KIAA1328: variants seen among roughly 807,000 people sequenced by gnomAD.
The protein encoded by KIAA1328 is protein hinderin.
A neutral mutation model predicts 68.1 loss-of-function variants in KIAA1328; 52 were observed. That is an observed-to-expected ratio of 0.76 (90% CI 0.61 to 0.96). The LOEUF (loss-of-function observed/expected upper bound fraction) is 0.96. Ranked by LOEUF, KIAA1328 falls within the 40% of genes least tolerant of loss-of-function variation. The pLI is 0.00. For missense variants in KIAA1328, 641 were observed against 677.6 expected (o/e 0.95, Z 0.60); for synonymous variants, 232 against 239.4 (o/e 0.97, Z 0.28).
At chr18:37,025,887 A>T (rs1240761277) in intron 6 of KIAA1328, among the ~76,000 whole-genome samples, 1 of 152,200 alleles carries the variant, frequency 6.6e-6, no homozygotes, top group Non-Finnish European at 1.5e-5. Flanking sequence ...GCAGAACTGA[A>T]GGAAATAGAG....
rs375044797 is a variant in KIAA1328 at position 37,099,268 on chromosome 18, C to T, written c.1232+31723C>T. On this transcript the variant is annotated intron_variant, in intron 7 of 9. Coordinates refer to ENST00000280020, the MANE Select transcript of KIAA1328 (RefSeq NM_020776.3). ...TGAATGTGTCCCAGAGATTCTGGTACGTTGTGTCTTTGTTCTCATTGGTTT... is the reference window on the plus strand; with the variant it reads ...TGAATGTGTCCCAGAGATTCTGGTATGTTGTGTCTTTGTTCTCATTGGTTT... 9.2e-5 allele frequency among the ~76,000 whole-genome samples: 14 copies of T among 152,244 alleles called. No individual in the cohort carries two copies. The South Asian group carries it at 1.0e-3, about 11-fold the overall frequency.
At chr18:37,106,354 G>A (rs1465448320) in intron 7 of KIAA1328, among the ~76,000 whole-genome samples, 3 of 151,950 alleles carry the variant, frequency 2.0e-5, no homozygotes, top group African/African-American at 7.3e-5. Context: ...CAATGGATAT[G>A]AAGTTTCTTT....
intron 8 of KIAA1328, among the ~76,000 whole-genome samples, chr18:37,163,683 T>C (rs2059328916): frequency 6.6e-6 from 1 of 152,160 alleles, no homozygotes; most frequent in African/African-American, 2.4e-5. Context: ...CCAGATGGAT[T>C]AAAGTAGGTG....
At chr18:37,084,520 A>G (rs1418175540) in intron 7 of KIAA1328, 4 of 161,672 alleles carry the variant, frequency 2.5e-5, no homozygotes, top group Non-Finnish European at 4.7e-5. Flanking sequence ...TATATTGAGT[A>G]TTAAGGATTA....
At chr18:36,905,811 T>C (rs536167843) in intron 5 of KIAA1328, among the ~76,000 whole-genome samples, 1 of 152,282 alleles carries the variant, frequency 6.6e-6, no homozygotes, top group East Asian at 1.9e-4. Context: ...GAGTGTTAAG[T>C]TGGCAGCTAA....
rs1202445120 is a variant in KIAA1328 at position 36,974,167 on chromosome 18, T to C, written c.576+14732T>C. On this transcript the variant is annotated intron_variant, in intron 6 of 9. Transcript: ENST00000280020. ...TCCATCTCAGAAGAAGGCTTTTTTC[T>C]TTTTTGATTTGTATAAATTTTAGGG... Among the ~76,000 whole-genome samples the C allele has an allele frequency of 2.6e-5, 4 of 152,322 alleles. No individual in the cohort carries two copies. The South Asian group carries it at 8.3e-4, about 32-fold the overall frequency.
chr18:36,841,715 A>G (rs1316374914), intron 3 of KIAA1328, among the ~76,000 whole-genome samples: 1 of 152,216 alleles, frequency 6.6e-6, no homozygotes, highest in Non-Finnish European at 1.5e-5. Flanking sequence ...CAAATGAATG[A>G]GCACGTTTTA....
chr18:36,896,537 C>G (rs1002603677), intron 5 of KIAA1328, among the ~76,000 whole-genome samples: 1 of 152,116 alleles, frequency 6.6e-6, no homozygotes, highest in African/African-American at 2.4e-5. Context: ...CTAAGGATTT[C>G]ATTTCTTTTT....
chr18:37,065,174 A>G (rs899325242), intron 6 of KIAA1328, among the ~76,000 whole-genome samples: 3 of 152,350 alleles, frequency 2.0e-5, no homozygotes, highest in African/African-American at 2.4e-5. Context: ...TTTGGTTAAT[A>G]TAAGTGTTCA....
intron 9 of KIAA1328, among the ~76,000 whole-genome samples, chr18:37,212,105 C>G (rs2060328525): frequency 6.6e-6 from 1 of 152,134 alleles, no homozygotes; most frequent in Non-Finnish European, 1.5e-5. Context: ...TCATATGTGT[C>G]AAAGGAAAGT....
chr18:36,933,333 T>G (rs1009809608), intron 5 of KIAA1328, among the ~76,000 whole-genome samples: 2 of 152,210 alleles, frequency 1.3e-5, no homozygotes, highest in Non-Finnish European at 2.9e-5. Flanking sequence ...TCACCAGATC[T>G]GCTCCCGGGC....
chr18:37,177,084 C>G (rs548527193), intron 9 of KIAA1328, among the ~76,000 whole-genome samples: 53 of 152,164 alleles, frequency 3.5e-4, no homozygotes, highest in Admixed American at 1.1e-3. Context: ...AGTATACTTG[C>G]AACAGGCAGA....
chr18:37,116,703 C>T (rs916484814), intron 7 of KIAA1328, among the ~76,000 whole-genome samples: 77 of 152,306 alleles, frequency 5.1e-4, no homozygotes, highest in African/African-American at 1.9e-3. Flanking sequence ...GCAAAAGAAA[C>T]TACCATCAGA....
chr18:37,074,595 G>A (rs989780230), intron 7 of KIAA1328, among the ~76,000 whole-genome samples: 2 of 152,090 alleles, frequency 1.3e-5, no homozygotes, highest in African/African-American at 4.8e-5. Context: ...CGGCTCCTGA[G>A]GCTTCTGCAT....
At chr18:37,057,343 C>A (rs1270695658) in intron 6 of KIAA1328, among the ~76,000 whole-genome samples, 1 of 151,790 alleles carries the variant, frequency 6.6e-6, no homozygotes, top group Non-Finnish European at 1.5e-5. Context: ...TACTTCTTAG[C>A]CATTTAATGA....
At chr18:37,112,244 C>A (rs532498756) in intron 7 of KIAA1328, among the ~76,000 whole-genome samples, 1 of 152,148 alleles carries the variant, frequency 6.6e-6, no homozygotes, top group African/African-American at 2.4e-5. Context: ...CCCTGACCCC[C>A]GAGTAGCCTA....
intron 5 of KIAA1328, among the ~76,000 whole-genome samples, chr18:36,949,799 G>A (rs1456656494): frequency 1.3e-5 from 2 of 151,042 alleles, no homozygotes; most frequent in Non-Finnish European, 2.9e-5. Context: ...ATCTTTAAGT[G>A]TCCAGAGCAT....
chr18:37,102,530 TATCTCATTATAAAAACCCTCAACAA>T (rs2057653983), intron 7 of KIAA1328, among the ~76,000 whole-genome samples: 1 of 152,126 alleles, frequency 6.6e-6, no homozygotes, highest in African/African-American at 2.4e-5. Flanking sequence ...AAATTTGATA[TATCTCATTATAAAAACCCTCAACAA>T]ATTAAGCATA....
rs531501749 is a variant in KIAA1328 at position 36,839,966 on chromosome 18, C to T, written c.238-4242C>T. 9.2e-5 allele frequency among the ~76,000 whole-genome samples: 14 copies of T among 152,250 alleles called. No homozygotes were observed. In the South Asian group the frequency reaches 1.0e-3, roughly 11 times the overall value. ...ATGCTGGTCAGTGCTCAGTAGTTGA[C>T]GCGAAGGGATTCTGCAGATCCCTGG... On this transcript the variant is annotated intron_variant, in intron 3 of 9. Coordinates refer to ENST00000280020, the MANE Select transcript of KIAA1328 (RefSeq NM_020776.3).
Sources: allele counts gnomAD v4.1 joint callset (sites outside exome capture counted in the v4.1 genomes callset), GRCh38; gene constraint gnomAD v4.1.1; transcripts MANE v1.5; gene names NCBI Gene and HGNC (gene_info 2026-07-23, HGNC 2026-07-21).